Variants in WDFY4 observed in about 807,000 individuals in gnomAD.
WDFY4 encodes the protein WDFY family member 4.
A neutral mutation model predicts 351.9 loss-of-function variants in WDFY4; 169 were observed. The ratio of observed to expected loss-of-function variants is 0.48; its 90% CI spans 0.42 to 0.55. The LOEUF (loss-of-function observed/expected upper bound fraction) is 0.55. WDFY4 is among the 20% of genes least tolerant of loss of function. WDFY4 has a pLI of 0.00. For synonymous variants in WDFY4, 1,622 were observed against 1,574.6 expected, an observed-to-expected ratio of 1.03 and a Z score of -0.71; for missense variants, 3,803 against 3,935.6, an observed-to-expected ratio of 0.97 and a Z score of 0.90.
chr10:48,960,951 C>T (rs1034059978), intron 53 of WDFY4, among the ~76,000 whole-genome samples: 3 of 152,218 alleles, frequency 2.0e-5, no homozygotes, highest in African/African-American at 2.4e-5. Context: ...AAGGAACACA[C>T]GGGGGGACTT....
intron 2 of WDFY4, among the ~76,000 whole-genome samples, chr10:48,712,210 G>A (rs1218839281): frequency 6.6e-6 from 1 of 152,206 alleles, no homozygotes; most frequent in Non-Finnish European, 1.5e-5. Flanking sequence ...ACCAACTATT[G>A]CTGAACCTCA....
chr10:48,945,137 A>G (rs2133774891), intron 49 of WDFY4, among the ~76,000 whole-genome samples: 1 of 152,288 alleles, frequency 6.6e-6, no homozygotes, highest in Admixed American at 6.5e-5. Context: ...GCACTTTGGG[A>G]GGCCGAAGCA....
At chr10:48,848,977 T>C (rs754589609) in intron 39 of WDFY4, among the ~76,000 whole-genome samples, 1 of 152,128 alleles carries the variant, frequency 6.6e-6, no homozygotes, top group Non-Finnish European at 1.5e-5. Context: ...GAATGACCAA[T>C]GAGAACTTGG....
chr10:48,780,389 C>T (rs990450331), intron 19 of WDFY4, among the ~76,000 whole-genome samples: 13 of 152,190 alleles, frequency 8.5e-5, no homozygotes, highest in African/African-American at 2.9e-4. Context: ...TAGTCATGTT[C>T]ATGAAAATAG....
At chr10:48,716,322 G>A (rs1282942280) in intron 2 of WDFY4, among the ~76,000 whole-genome samples, 7 of 152,130 alleles carry the variant, frequency 4.6e-5, no homozygotes, top group African/African-American at 1.7e-4. Context: ...CTAGAGCTTA[G>A]CCATTCTTTA....
At chr10:48,855,161 G>T (rs1250975702) in intron 39 of WDFY4, among the ~76,000 whole-genome samples, 2 of 151,976 alleles carry the variant, frequency 1.3e-5, no homozygotes, top group Non-Finnish European at 2.9e-5. Context: ...TTTAGTGTTT[G>T]CCAATAAACA....
At chr10:48,900,341 G>C in intron 46 of WDFY4, 35 bp downstream of exon 46, 1 of 1,520,530 alleles carries the variant, frequency 6.6e-7, no homozygotes, top group Non-Finnish European at 8.9e-7. Flanking sequence ...TGAGGAAACT[G>C]ATCCTGAACT....
At chr10:48,833,168 TGTGTGAGA>T (rs2068253625) in intron 39 of WDFY4, among the ~76,000 whole-genome samples, 2 of 106,804 alleles carry the variant, frequency 1.9e-5, no homozygotes, top group Non-Finnish European at 4.1e-5. Flanking sequence ...TGTGTGTGTG[TGTGTGAGA>T]GAGAGAGAGA....
At chr10:48,745,928 G>C (rs537089624) in intron 12 of WDFY4, 60 of 234,422 alleles carry the variant, frequency 2.6e-4, no homozygotes, top group African/African-American at 5.6e-4. Flanking sequence ...GAAATAACAG[G>C]GGCCTCATCA....
intron 51 of WDFY4, among the ~76,000 whole-genome samples, chr10:48,950,599 T>C (rs1372100882): frequency 2.0e-5 from 3 of 152,158 alleles, no homozygotes; most frequent in East Asian, 3.8e-4. Context: ...GGAGATGAGA[T>C]GGGTTCTAGC....
At chr10:48,701,738 G>A (rs1294045690) in intron 1 of WDFY4, among the ~76,000 whole-genome samples, 2 of 152,164 alleles carry the variant, frequency 1.3e-5, no homozygotes, top group East Asian at 3.9e-4. Flanking sequence ...TGGCCCCGTG[G>A]GAAGCTATGG....
At chr10:48,810,993 A>G in intron 29 of WDFY4, among the ~76,000 whole-genome samples, 1 of 152,302 alleles carries the variant, frequency 6.6e-6, no homozygotes, top group East Asian at 1.9e-4. Flanking sequence ...TCTCCTGGGC[A>G]CTGTATACTC....
intron 40 of WDFY4, among the ~76,000 whole-genome samples, chr10:48,872,012 C>T (rs1287234894): frequency 6.6e-6 from 1 of 152,102 alleles, no homozygotes; most frequent in Non-Finnish European, 1.5e-5. Flanking sequence ...TATTATTAAC[C>T]ACATTTGACT....
chr10:48,820,372 T>C lies in WDFY4; in HGVS notation c.5644T>C (p.Leu1882=), dbSNP rs1332627726. The C allele has an allele frequency of 3.9e-6, 6 of 1,551,402 alleles. No individual in the cohort carries two copies. The highest frequency in any genetic ancestry group is 4.4e-6 in the Non-Finnish European group (5 of 1,146,978). The part of the protein sequence containing the change: ...RKLREFTQLL[L]RELLLGASSP... The stretch of plus-strand genomic sequence containing the variant: ...GCTGAGGGAGTTCACGCAGCTCCTC[T>C]TGAGGGAGCTCCTGCTTGGAGCCTC... The change falls in exon 33 of 62, where the codon TTG becomes CTG. Residue 1882 remains leucine (L), a synonymous_variant. Transcript: ENST00000325239.
At chr10:48,761,671 C>T (rs534490507) in intron 13 of WDFY4, among the ~76,000 whole-genome samples, 6 of 152,214 alleles carry the variant, frequency 3.9e-5, no homozygotes, top group East Asian at 1.9e-4. Context: ...CAGAACAAGA[C>T]GAAGTTGGAG....
intron 47 of WDFY4, among the ~76,000 whole-genome samples, chr10:48,923,626 C>T (rs149918402): frequency 5.9e-4 from 89 of 151,734 alleles, no homozygotes; most frequent in Non-Finnish European, 1.1e-3. Flanking sequence ...CTCATGCATT[C>T]GTTCATTTGT....
chr10:48,960,116 C>G (rs749716278), intron 53 of WDFY4, among the ~76,000 whole-genome samples: 5 of 152,194 alleles, frequency 3.3e-5, no homozygotes, highest in Non-Finnish European at 4.4e-5. Flanking sequence ...CAAGAACATC[C>G]ACTCCCTGGG....
intron 13 of WDFY4, among the ~76,000 whole-genome samples, chr10:48,772,590 C>T (rs1219668425): frequency 2.4e-5 from 3 of 125,220 alleles, no homozygotes; most frequent in South Asian, 5.2e-4. Flanking sequence ...TACATGTGCA[C>T]ATTGTGCAGG....
chr10:48,767,029 C>A (rs559709822), intron 13 of WDFY4, among the ~76,000 whole-genome samples: 140 of 152,316 alleles, frequency 9.2e-4, no homozygotes, highest in African/African-American at 3.1e-3. Flanking sequence ...TGAAACACTT[C>A]TCTAGGCCAT....
Sources: gnomAD v4.1 joint callset for allele counts (sites outside exome capture counted in the v4.1 genomes callset) on GRCh38, gnomAD v4.1.1 for gene constraint, MANE v1.5 for transcripts, NCBI Gene and HGNC (gene_info 2026-07-23, HGNC 2026-07-21) for gene names.